RAPGEF5: variants seen among roughly 807,000 people sequenced by gnomAD.
The protein encoded by RAPGEF5 is Rap guanine nucleotide exchange factor 5.
In RAPGEF5, 65 loss-of-function variants were observed where a neutral mutation model predicts 125.2. The observed-to-expected ratio is 0.52, with a 90% confidence interval of 0.43 to 0.64. The LOEUF is 0.64. Ranked by LOEUF, RAPGEF5 falls within the 30% of genes least tolerant of loss-of-function variation. The pLI is 0.00. For missense variants in RAPGEF5, 958 were observed against 1,048.1 expected (o/e 0.91, Z 1.19); for synonymous variants, 391 against 385.9 (o/e 1.01, Z -0.16).
intron 7 of RAPGEF5, among the ~76,000 whole-genome samples, chr7:22,262,181 G>C (rs1043005074): frequency 4.0e-5 from 6 of 151,420 alleles, no homozygotes; most frequent in African/African-American, 1.5e-4. Context: ...CTACTACCTA[G>C]AATACATAAA....
chr7:22,125,677 A>C lies in RAPGEF5; in HGVS notation c.2482-19T>G. The C allele has an allele frequency of 6.2e-7, 1 of 1,600,666 alleles. No individual in the cohort carries two copies. Among genetic ancestry groups the C allele is most frequent in the Non-Finnish European group, 8.6e-7 (1 of 1,167,978 alleles). ...TCATATGCTGTAAAGTAGAACAGGA[A>C]ACACATCAATGGAAGGGTCGTTGAG... On this transcript the variant is annotated intron_variant, in intron 24 of 25. Transcript: ENST00000665637.
At chr7:22,305,560 C>G (rs1783317057) in intron 5 of RAPGEF5, among the ~76,000 whole-genome samples, 1 of 152,220 alleles carries the variant, frequency 6.6e-6, no homozygotes, top group South Asian at 2.1e-4. Context: ...TACAAAAAAT[C>G]CAATTGCACT....
At chr7:22,266,307 C>T (rs755967546) in intron 7 of RAPGEF5, among the ~76,000 whole-genome samples, 2 of 152,126 alleles carry the variant, frequency 1.3e-5, no homozygotes, top group Non-Finnish European at 2.9e-5. Flanking sequence ...CAAAGGATGC[C>T]TCCTACTGAC....
At chr7:22,329,812 C>A (rs561941851) in intron 1 of RAPGEF5, among the ~76,000 whole-genome samples, 5 of 152,258 alleles carry the variant, frequency 3.3e-5, no homozygotes, top group African/African-American at 1.2e-4. Context: ...GGTAAAAGAA[C>A]ACTCAGGGGG....
chr7:22,248,198 A>G (rs939589398), intron 7 of RAPGEF5, among the ~76,000 whole-genome samples: 3 of 152,240 alleles, frequency 2.0e-5, no homozygotes, highest in Non-Finnish European at 2.9e-5. Context: ...AGTAGGCCCT[A>G]GAAAAATTCC....
Position 22,150,503 on chromosome 7 carries a change from T to A in RAPGEF5, c.1788A>T (p.Glu596Asp). Residue 596 changes from glutamate to aspartate, a missense_variant and splice_region_variant, in exon 18 of 26, where the codon GAA becomes GAT. Transcript: ENST00000665637. ...LALVAITFSG[E>D]KHELQPNDLV... Reference sequence around the variant, plus strand: ...AGTCATTTGGCTGAAGTTCATGCTTTTCTTTATTTGAAAAAAAAAAAAAAA... The same window carrying A: ...AGTCATTTGGCTGAAGTTCATGCTTATCTTTATTTGAAAAAAAAAAAAAAA... The A allele has an allele frequency of 6.4e-7, 1 of 1,557,652 alleles. No homozygotes were observed.
At chr7:22,332,935 T>A (rs931529811) in intron 1 of RAPGEF5, among the ~76,000 whole-genome samples, 1 of 152,220 alleles carries the variant, frequency 6.6e-6, no homozygotes, top group African/African-American at 2.4e-5. Context: ...AACTTTTTTT[T>A]ACTGCAACCC....
At chr7:22,352,601 T>C (rs1784350846) in intron 1 of RAPGEF5, among the ~76,000 whole-genome samples, 1 of 152,156 alleles carries the variant, frequency 6.6e-6, no homozygotes. Flanking sequence ...AAAAAGGATA[T>C]TGACTGAAGT....
chr7:22,185,723 A>T (rs1240910077), intron 11 of RAPGEF5, among the ~76,000 whole-genome samples: 1 of 152,168 alleles, frequency 6.6e-6, no homozygotes, highest in Non-Finnish European at 1.5e-5. Context: ...CTTTATCTGG[A>T]AAAACAAGCC....
intron 7 of RAPGEF5, among the ~76,000 whole-genome samples, chr7:22,253,378 G>C (rs1418951183): frequency 6.6e-6 from 1 of 152,116 alleles, no homozygotes; most frequent in Non-Finnish European, 1.5e-5. Context: ...ACACAGTATC[G>C]AGGATGTGGC....
intron 1 of RAPGEF5, among the ~76,000 whole-genome samples, chr7:22,323,691 C>T (rs914449735): frequency 1.3e-5 from 2 of 151,990 alleles, no homozygotes; most frequent in African/African-American, 4.8e-5. Flanking sequence ...CAAGATGGAC[C>T]CTCCCTACAG....
chr7:22,224,835 CTTTTT>C (rs61426791), intron 8 of RAPGEF5, among the ~76,000 whole-genome samples: 1 of 140,070 alleles, frequency 7.1e-6, no homozygotes, highest in African/African-American at 2.6e-5. Context: ...TTTTGGTTTT[CTTTTT>C]TTTTTTTTTT....
rs941991291 is a variant in RAPGEF5, at chr7:22,216,672, T to C, written c.996+3194A>G. On this transcript the variant is annotated intron_variant, in intron 9 of 25. Coordinates refer to ENST00000665637, the MANE Select transcript of RAPGEF5 (RefSeq NM_012294.5). ...CATAATGTTTAGAAGACACAGCCCATTTCTTTCCCCTTCTGAAAGTCCTCC... is the reference window on the plus strand; with the variant it reads ...CATAATGTTTAGAAGACACAGCCCACTTCTTTCCCCTTCTGAAAGTCCTCC... 4.6e-5 allele frequency among the ~76,000 whole-genome samples: 7 copies of C among 152,320 alleles called. No individual in the cohort carries two copies. The Middle Eastern group carries it at 0.01, about 222-fold the overall frequency.
At chr7:22,321,218 A>G (rs574528296) in intron 1 of RAPGEF5, among the ~76,000 whole-genome samples, 2 of 152,346 alleles carry the variant, frequency 1.3e-5, no homozygotes, top group African/African-American at 4.8e-5. Context: ...AAACTAGGAA[A>G]TTGCAATCCT....
chr7:22,323,605 C>T (rs555722859), intron 1 of RAPGEF5, among the ~76,000 whole-genome samples: 2 of 152,088 alleles, frequency 1.3e-5, no homozygotes, highest in Admixed American at 6.5e-5. Flanking sequence ...GCTTAATTAG[C>T]GAGCTTACTT....
intron 11 of RAPGEF5, among the ~76,000 whole-genome samples, chr7:22,170,196 T>G (rs562038669): frequency 6.6e-6 from 1 of 152,154 alleles, no homozygotes; most frequent in South Asian, 2.1e-4. Flanking sequence ...CTGGGACTAC[T>G]GGCATGCACC....
At chr7:22,212,523 G>C (rs1156449120) in intron 9 of RAPGEF5, among the ~76,000 whole-genome samples, 1 of 152,142 alleles carries the variant, frequency 6.6e-6, no homozygotes, top group African/African-American at 2.4e-5. Context: ...AGTCCTTCAG[G>C]AACCAAGCCA....
At chr7:22,140,834 G>A (rs1783235093) in intron 20 of RAPGEF5, among the ~76,000 whole-genome samples, 1 of 152,158 alleles carries the variant, frequency 6.6e-6, no homozygotes. Context: ...TTTCACGGCA[G>A]CCAGAATAGC....
chr7:22,191,791 T>G lies in RAPGEF5; in HGVS notation c.1204+1576A>C, dbSNP rs901440779. 7.5e-6 allele frequency: 3 copies of G among 400,718 alleles called. No individual in the cohort carries two copies. The Admixed American group carries it at 8.6e-5, about 11-fold the overall frequency. 24.8% of individuals were successfully genotyped at this position (400,718 alleles called of 1,614,324 possible). A position where few individuals can be genotyped will look rare whatever the true frequency, so the allele number is the denominator to read the frequency against. On this transcript the variant is annotated intron_variant, in intron 11 of 25. Transcript: ENST00000665637. ...GGGAACCTGTGAGCACCTGAGCCAT[T>G]TTCTCAAAAGTAAAGAGAACACAAA...
Sources: gnomAD v4.1 joint callset for allele counts (sites outside exome capture counted in the v4.1 genomes callset) on GRCh38, gnomAD v4.1.1 for gene constraint, MANE v1.5 for transcripts, NCBI Gene and HGNC (gene_info 2026-07-23, HGNC 2026-07-21) for gene names.